The following MAX variants were observed in gnomAD, a reference collection of about 807,000 sequenced individuals.
MAX encodes protein max.
Under a neutral mutation model 22.3 loss-of-function variants are expected in MAX, and 3 were observed. That is an observed-to-expected ratio of 0.13 (90% CI 0.06 to 0.35). The LOEUF is 0.35. MAX is among the 10% of genes least tolerant of loss of function. The pLI, the probability that MAX is intolerant of heterozygous loss-of-function variation, is 1.00. For synonymous variants in MAX, 72 were observed against 77.7 expected, an observed-to-expected ratio of 0.93 and a Z score of 0.39; for missense variants, 119 against 209.4, an observed-to-expected ratio of 0.57 and a Z score of 2.66.
intron 3 of MAX, among the ~76,000 whole-genome samples, chr14:65,048,109 G>A (rs2062524428): frequency 6.9e-6 from 1 of 144,148 alleles, no homozygotes; most frequent in East Asian, 2.1e-4. Flanking sequence ...AGCCTCCTGT[G>A]TAGCTGGGAT....
chr14:65,032,802 A>C lies in MAX; in HGVS notation c.172-26518T>G. 9.6e-7 allele frequency: 1 copy of C among 1,036,426 alleles called. No individual in the cohort carries two copies. Among genetic ancestry groups the C allele is most frequent in the Non-Finnish European group, 1.4e-6 (1 of 734,182 alleles). 64.2% of individuals were successfully genotyped at this position (1,036,426 alleles called of 1,614,324 possible). A position where few individuals can be genotyped will look rare whatever the true frequency, so the allele number is the denominator to read the frequency against. Reference sequence around the variant, plus strand: ...GAGGGACTTGGAAGGAAATACAAAAATCACAGGAGATCCATTAGGGTTATC... The same window carrying C: ...GAGGGACTTGGAAGGAAATACAAAACTCACAGGAGATCCATTAGGGTTATC... On this transcript the variant is annotated intron_variant, in intron 3 of 3. Transcript: ENST00000341653. This position sits in a 1 kb window ranked among gnomAD's most constrained non-coding sequence, Gnocchi z 5.0.
At chr14:65,059,168 G>A (rs1222374543) in intron 3 of MAX, among the ~76,000 whole-genome samples, 1 of 152,068 alleles carries the variant, frequency 6.6e-6, no homozygotes, top group African/African-American at 2.4e-5. Flanking sequence ...GACTACAGGT[G>A]CACACCACCA....
chr14:65,058,222 GT>G (rs984712073), intron 3 of MAX, among the ~76,000 whole-genome samples: 7 of 139,782 alleles, frequency 5.0e-5, no homozygotes, highest in Middle Eastern at 7.8e-3. Flanking sequence ...GTCTTTCAGT[GT>G]TTTTTTTATA....
chr14:65,071,413 A>G (rs7147987), downstream of MAX, among the ~76,000 whole-genome samples: 89,869 of 152,136 alleles, frequency 0.59, 29,314 homozygotes, highest in African/African-American at 0.88. The surrounding 1 kb of genome is among the most constrained non-coding windows in gnomAD (Gnocchi z 4.2). Flanking sequence ...CAAAGTGCTG[A>G]TATTACAGGT....
rs1157980017 is a variant in MAX, at chr14:65,095,682, C to T, written c.64-1867G>A. 2.0e-5 allele frequency among the ~76,000 whole-genome samples: 3 copies of T among 152,274 alleles called. No homozygotes were observed. In the East Asian group the frequency reaches 5.8e-4, roughly 29 times the overall value. ...TATACTACCTAAGGTGGTTTATTTACATGCAAATTAATTGCCCATCTTTGG... is the reference window on the plus strand; with the variant it reads ...TATACTACCTAAGGTGGTTTATTTATATGCAAATTAATTGCCCATCTTTGG... On this transcript the variant is annotated intron_variant, in intron 2 of 4. Coordinates refer to ENST00000358664, the MANE Select transcript of MAX (RefSeq NM_002382.5).
At position 65,012,253 on chromosome 14, in the gene MAX, C is replaced by G. The variant is rs75959394; in HGVS notation, c.172-5969G>C. On this transcript the variant is annotated intron_variant, in intron 3 of 3. Coordinates refer to the MAX transcript ENST00000341653. The surrounding 1 kb of genome is among the most constrained non-coding windows in gnomAD (Gnocchi z 5.0). ...GTTTACCCGTGTGTGTGTACGTGCA[C>G]ATACGTGTGTATGGTGGAAGCATAA... is the stretch of plus-strand genomic sequence containing the variant. 4 of 1,604,080 alleles carry G rather than the reference C, an allele frequency of 2.5e-6. No homozygotes were observed. In the South Asian group the frequency reaches 4.4e-5, roughly 18 times the overall value.
At chr14:65,039,194 G>A (rs2062286806) in intron 3 of MAX, among the ~76,000 whole-genome samples, 1 of 152,208 alleles carries the variant, frequency 6.6e-6, no homozygotes, top group Non-Finnish European at 1.5e-5. Flanking sequence ...AGCAGTGTCT[G>A]TAGGGTTTTT....
At chr14:65,040,604 C>CTTT (rs35890649) in intron 3 of MAX, among the ~76,000 whole-genome samples, 48 of 117,302 alleles carry the variant, frequency 4.1e-4, no homozygotes, top group African/African-American at 1.1e-3. Flanking sequence ...CCAGGCCCAG[C>CTTT]TTTTTTTTTT....
In MAX at chr14:65,088,383, C is replaced by G. The variant is rs2063399598; in HGVS notation, c.171+5325G>C. The stretch of plus-strand genomic sequence containing the variant: ...GCATTTACAATTGCTGAGCCTGGAG[C>G]CTAAGGGAGACTTGGGCAACTATGG... On this transcript the variant is annotated intron_variant, in intron 3 of 4. Transcript: ENST00000358664. This position sits in a 1 kb window ranked among gnomAD's most constrained non-coding sequence, Gnocchi z 5.2. Among the ~76,000 whole-genome samples the G allele has an allele frequency of 6.6e-6, 1 of 152,090 alleles. No individual in the cohort carries two copies. The highest frequency in any genetic ancestry group is 1.5e-5 in the Non-Finnish European group (1 of 68,022).
chr14:65,093,957 T>C lies in MAX; in HGVS notation c.64-142A>G, dbSNP rs1451937455. ...GGAAGGATTTCTCGAGGTGGGCAGT[T>C]AGGAGTCTCCAGAATTAGGCTCTGC... On this transcript the variant is annotated intron_variant, in intron 2 of 4. Transcript: ENST00000358664. The surrounding 1 kb of genome is among the most constrained non-coding windows in gnomAD (Gnocchi z 4.4). 1.4e-6 allele frequency: 1 copy of C among 706,218 alleles called. No individual in the cohort carries two copies. Among genetic ancestry groups the C allele is most frequent in the African/African-American group, 1.7e-5 (1 of 57,310 alleles). 43.7% of individuals were successfully genotyped at this position (706,218 alleles called of 1,614,324 possible).
rs987847608 is a variant in MAX at position 65,044,254 on chromosome 14, G to A, written c.172-37970C>T. 2.8e-4 allele frequency: 445 copies of A among 1,606,332 alleles called. No individual in the cohort carries two copies. Among genetic ancestry groups the A allele is most frequent in the Non-Finnish European group, 3.3e-4 (392 of 1,176,938 alleles). ...CAGATTGACTCCTGGAGATTCTGTC[G>A]GGCTGGATTTTGTCTCTTTTAGCCT... On this transcript the variant is annotated intron_variant, in intron 3 of 3. Transcript: ENST00000341653. The surrounding 1 kb of genome is among the most constrained non-coding windows in gnomAD (Gnocchi z 5.5).
chr14:65,075,099 A>T, downstream of MAX: 1 of 1,013,518 alleles, frequency 9.9e-7, no homozygotes, highest in Non-Finnish European at 1.2e-6. This position sits in a 1 kb window ranked among gnomAD's most constrained non-coding sequence, Gnocchi z 4.1. Flanking sequence ...CTTGGCCTTA[A>T]CAAGGGTAAG....
In MAX at chr14:65,077,777, G is replaced by A; in HGVS notation, c.295+136C>T. The A allele has an allele frequency of 1.2e-6, 2 of 1,613,550 alleles. No individual in the cohort carries two copies. Among genetic ancestry groups the A allele is most frequent in the Non-Finnish European group, 1.7e-6 (2 of 1,179,906 alleles). ...GACGGCTCTAACACTCAGTTACTCA[G>A]GCCCCAAGAAGCAGGACCAAGCCTG... is the stretch of plus-strand genomic sequence containing the variant. On this transcript the variant is annotated intron_variant, in intron 4 of 4. Transcript: ENST00000358664. The surrounding 1 kb of genome is among the most constrained non-coding windows in gnomAD (Gnocchi z 6.3).
At chr14:65,041,731 G>A (rs571007971) in intron 3 of MAX, among the ~76,000 whole-genome samples, 3 of 152,228 alleles carry the variant, frequency 2.0e-5, no homozygotes, top group South Asian at 2.1e-4. Context: ...AGCCTCCCCC[G>A]GTGTAGTCTT....
At chr14:65,041,022 A>G in intron 3 of MAX, 4 of 1,527,458 alleles carry the variant, frequency 2.6e-6, no homozygotes, top group Non-Finnish European at 3.5e-6. Flanking sequence ...GGGAAGGGCT[A>G]AGAGAGTTAG....
At chr14:65,072,530 A>G (rs368857262), downstream of MAX, among the ~76,000 whole-genome samples, 19 of 152,294 alleles carry the variant, frequency 1.2e-4, no homozygotes, top group East Asian at 1.7e-3. Flanking sequence ...TCCCCGGGTT[A>G]TATTACTGTT....
chr14:65,077,498 T>C lies in MAX; in HGVS notation c.295+415A>G. On this transcript the variant is annotated intron_variant, in intron 4 of 4. Transcript: ENST00000358664. The surrounding 1 kb of genome is among the most constrained non-coding windows in gnomAD (Gnocchi z 6.3). Reference sequence around the variant, plus strand: ...GGGCCTAGCCCATAGGCTGCCCTGATTGGACTACCATTGACAATGGGGAGG... The same window carrying C: ...GGGCCTAGCCCATAGGCTGCCCTGACTGGACTACCATTGACAATGGGGAGG... 1 of 1,081,982 alleles carries C rather than the reference T, an allele frequency of 9.2e-7. No homozygotes were observed. Among genetic ancestry groups the C allele is most frequent in the South Asian group, 1.2e-5 (1 of 80,532 alleles). 67.0% of individuals were successfully genotyped at this position (1,081,982 alleles called of 1,614,324 possible).
intron 3 of MAX, chr14:65,053,259 G>A (rs1595096890): frequency 7.0e-7 from 1 of 1,428,480 alleles, no homozygotes; most frequent in Non-Finnish European, 9.3e-7. Context: ...CTTAGCATGA[G>A]CCACTGGATG....
chr14:65,043,160 C>T (rs11628273), intron 3 of MAX, among the ~76,000 whole-genome samples: 85,749 of 151,908 alleles, frequency 0.56, 24,873 homozygotes, highest in African/African-American at 0.69. Flanking sequence ...GTGGCTGGAA[C>T]GGCCTAGGTG....
Sources: gnomAD v4.1 joint callset for allele counts (sites outside exome capture counted in the v4.1 genomes callset) on GRCh38, gnomAD v4.1.1 for gene constraint, Gnocchi (gnomAD v3.1) non-coding constraint, MANE v1.5 for transcripts, NCBI Gene and HGNC (gene_info 2026-07-23, HGNC 2026-07-21) for gene names.